The following ROBO2 variants were observed in gnomAD, a reference collection of about 807,000 sequenced individuals.
ROBO2 encodes roundabout guidance receptor 2.
A neutral mutation model predicts 160.8 loss-of-function variants in ROBO2; 53 were observed. That is an observed-to-expected ratio of 0.33 (90% confidence interval 0.26 to 0.41). ROBO2 has a LOEUF of 0.41. Ranked by LOEUF, ROBO2 falls within the 10% of genes least tolerant of loss-of-function variation. The probability of loss-of-function intolerance (pLI) is 1.00; values close to 1 mark genes in which losing one functional copy is unlikely to be tolerated. For synonymous variants in ROBO2, 664 were observed against 611.7 expected (o/e 1.09, Z -1.26); for missense variants, 1,577 against 1,722.4 (o/e 0.92, Z 1.49).
intron 2 of ROBO2, among the ~76,000 whole-genome samples, chr3:76,435,727 G>A (rs146573317): frequency 4.3e-4 from 65 of 152,118 alleles, no homozygotes; most frequent in Admixed American, 3.2e-3. Context: ...TGAGCTTTTG[G>A]GGGTTATTCT....
chr3:76,975,745 A>G (rs2059786303), intron 2 of ROBO2, among the ~76,000 whole-genome samples: 2 of 152,182 alleles, frequency 1.3e-5, no homozygotes, highest in Admixed American at 1.3e-4. Flanking sequence ...TATGACTATA[A>G]CTGTCAAAAC....
chr3:76,329,574 T>C (rs1246767067), intron 2 of ROBO2, among the ~76,000 whole-genome samples: 2 of 152,216 alleles, frequency 1.3e-5, no homozygotes, highest in South Asian at 2.1e-4. Context: ...GGGGAATGAG[T>C]AGCTGTAAGT....
chr3:76,061,663 A>G, intron 2 of ROBO2, among the ~76,000 whole-genome samples: 1 of 152,206 alleles, frequency 6.6e-6, no homozygotes, highest in East Asian at 1.9e-4. Flanking sequence ...AAGTAAAGTC[A>G]CACTTATTAA....
intron 2 of ROBO2, among the ~76,000 whole-genome samples, chr3:76,285,551 G>A (rs536306721): frequency 6.6e-6 from 1 of 152,104 alleles, no homozygotes; most frequent in Middle Eastern, 3.4e-3. Flanking sequence ...AAATTCCAGA[G>A]AAGCAGGCCA....
At chr3:76,196,676 G>A (rs1038798633) in intron 2 of ROBO2, among the ~76,000 whole-genome samples, 20 of 151,984 alleles carry the variant, frequency 1.3e-4, no homozygotes, top group Non-Finnish European at 2.8e-4. Context: ...GGAAAAACTG[G>A]CAAAGTTCAA....
At chr3:77,288,924 AAT>A (rs1398473935) in intron 2 of ROBO2, among the ~76,000 whole-genome samples, 7 of 152,160 alleles carry the variant, frequency 4.6e-5, no homozygotes, top group African/African-American at 7.2e-5. Flanking sequence ...TAAAGTTGTC[AAT>A]ATATTTACGG....
At chr3:75,956,488 TATC>T (rs1312111103) in intron 2 of ROBO2, among the ~76,000 whole-genome samples, 1 of 151,756 alleles carries the variant, frequency 6.6e-6, no homozygotes, top group Non-Finnish European at 1.5e-5. Flanking sequence ...TTATGTTGAC[TATC>T]ATTACTTTAC....
At chr3:76,204,112 A>C (rs1389900252) in intron 2 of ROBO2, among the ~76,000 whole-genome samples, 1 of 152,174 alleles carries the variant, frequency 6.6e-6, no homozygotes, top group African/African-American at 2.4e-5. Flanking sequence ...AAAGTATTTG[A>C]AGTTTTAAAC....
chr3:76,478,363 A>C (rs555782349), intron 2 of ROBO2, among the ~76,000 whole-genome samples: 140 of 151,608 alleles, frequency 9.2e-4, no homozygotes, highest in African/African-American at 3.3e-3. Context: ...TGAACTCATC[A>C]TTTTTTATGG....
chr3:76,645,082 T>C (rs1024685081), intron 2 of ROBO2, among the ~76,000 whole-genome samples: 8 of 152,212 alleles, frequency 5.3e-5, no homozygotes, highest in African/African-American at 1.9e-4. Flanking sequence ...CCATTGCTTC[T>C]CCATGAATAG....
chr3:76,541,666 G>A (rs1173355274), intron 2 of ROBO2, among the ~76,000 whole-genome samples: 1 of 152,208 alleles, frequency 6.6e-6, no homozygotes, highest in African/African-American at 2.4e-5. Context: ...TAAGAGAGGA[G>A]GCGCTTCCCT....
At chr3:76,806,337 G>C (rs2064711323) in intron 2 of ROBO2, among the ~76,000 whole-genome samples, 1 of 151,620 alleles carries the variant, frequency 6.6e-6, no homozygotes, top group South Asian at 2.1e-4. Flanking sequence ...GGGAACAGAA[G>C]TACGTCCTGA....
At chr3:76,244,564 A>T (rs997110128) in intron 2 of ROBO2, among the ~76,000 whole-genome samples, 1 of 152,174 alleles carries the variant, frequency 6.6e-6, no homozygotes, top group Non-Finnish European at 1.5e-5. Flanking sequence ...AAAAACACAA[A>T]CTGCTATTTT....
chr3:76,051,788 T>G (rs1404541494), intron 2 of ROBO2, among the ~76,000 whole-genome samples: 1 of 152,020 alleles, frequency 6.6e-6, no homozygotes. Context: ...ACATGACAAA[T>G]TTTAGAAGGG....
chr3:77,381,026 A>G (rs947485586), intron 2 of ROBO2, among the ~76,000 whole-genome samples: 2 of 152,154 alleles, frequency 1.3e-5, no homozygotes, highest in African/African-American at 2.4e-5. Context: ...TAATCAGGAC[A>G]GCATTTTGGC....
intron 23 of ROBO2, among the ~76,000 whole-genome samples, chr3:77,628,715 C>G (rs1011930661): frequency 2.0e-5 from 3 of 152,140 alleles, no homozygotes; most frequent in African/African-American, 7.2e-5. Context: ...AAATCCCAGA[C>G]AGAGAGGCAG....
At chr3:77,256,910 C>T (rs916357033) in intron 2 of ROBO2, among the ~76,000 whole-genome samples, 2 of 152,174 alleles carry the variant, frequency 1.3e-5, no homozygotes, top group African/African-American at 4.8e-5. Flanking sequence ...AATGAAAGCC[C>T]TCATTGCAAC....
chr3:77,271,161 A>T (rs1349895482), intron 2 of ROBO2, among the ~76,000 whole-genome samples: 1 of 152,154 alleles, frequency 6.6e-6, no homozygotes, highest in Non-Finnish European at 1.5e-5. Flanking sequence ...ACAAATATTT[A>T]TTGAACACCT....
At chr3:76,000,954 A>G (rs926831351) in intron 2 of ROBO2, among the ~76,000 whole-genome samples, 1 of 152,058 alleles carries the variant, frequency 6.6e-6, no homozygotes, top group Admixed American at 6.6e-5. Context: ...ACACATATGG[A>G]TCTATTTTCA....
Sources: gnomAD v4.1 joint callset for allele counts (sites outside exome capture counted in the v4.1 genomes callset) on GRCh38, gnomAD v4.1.1 for gene constraint, MANE v1.5 for transcripts, NCBI Gene and HGNC (gene_info 2026-07-23, HGNC 2026-07-21) for gene names.